The following ANKRD13C variants were observed in gnomAD, a reference collection of about 807,000 sequenced individuals.
ANKRD13C encodes the protein ankyrin repeat domain-containing protein 13C.
Under a neutral mutation model 65.5 loss-of-function variants are expected in ANKRD13C, and 16 were observed. The observed-to-expected ratio is 0.24, with a 90% CI of 0.17 to 0.37. ANKRD13C has a LOEUF of 0.37. Among genes scored for constraint, ANKRD13C ranks in the 10% least tolerant of loss-of-function variants. The pLI is 1.00. For synonymous variants in ANKRD13C, 235 were observed against 238.7 expected (o/e 0.98, Z 0.14); for missense variants, 503 against 655.9 (o/e 0.77, Z 2.55).
At position 70,306,306 on chromosome 1, in the gene ANKRD13C, C is replaced by A; in HGVS notation, c.710-16G>T. Reference sequence around the variant, plus strand: ...AGTAAAGGCACTGTATTTTTAAAAACAAAAGGTAAAAAATAACTACCTAAA... The same window carrying A: ...AGTAAAGGCACTGTATTTTTAAAAAAAAAAGGTAAAAAATAACTACCTAAA... On this transcript the variant is annotated splice_polypyrimidine_tract_variant and intron_variant, in intron 5 of 12. Transcript: ENST00000370944. 2 of 1,507,394 alleles carry A rather than the reference C, an allele frequency of 1.3e-6. No individual in the cohort carries two copies. Among genetic ancestry groups the A allele is most frequent in the Non-Finnish European group, 8.9e-7 (1 of 1,120,580 alleles). The allele number at this position is 1,507,394 out of a possible 1,614,324, so 93.4% of individuals were successfully genotyped here.
intron 9 of ANKRD13C, among the ~76,000 whole-genome samples, chr1:70,291,370 T>C (rs1283929991): frequency 1.3e-5 from 2 of 152,226 alleles, no homozygotes; most frequent in African/African-American, 4.8e-5. Context: ...TGTATGACTC[T>C]AGTATTTTTT....
At chr1:70,281,072 G>A (rs770670789) in intron 9 of ANKRD13C, among the ~76,000 whole-genome samples, 5 of 151,850 alleles carry the variant, frequency 3.3e-5, no homozygotes, top group Non-Finnish European at 5.9e-5. Context: ...AAAAGAGGAA[G>A]GAGGGAAGAA....
At chr1:70,330,177 T>A (rs1314392523) in intron 2 of ANKRD13C, among the ~76,000 whole-genome samples, 4 of 151,012 alleles carry the variant, frequency 2.6e-5, no homozygotes, top group African/African-American at 9.7e-5. Context: ...AGTTAACAAC[T>A]AAGCACTAAG....
At chr1:70,294,000 A>G (rs1337105512) in intron 8 of ANKRD13C, among the ~76,000 whole-genome samples, 1 of 152,250 alleles carries the variant, frequency 6.6e-6, no homozygotes, top group Non-Finnish European at 1.5e-5. Context: ...TTAAATGTCC[A>G]AAAACAAGAC....
chr1:70,337,033 A>G (rs771188895), intron 1 of ANKRD13C, among the ~76,000 whole-genome samples: 98 of 152,122 alleles, frequency 6.4e-4, no homozygotes, highest in Non-Finnish European at 8.5e-4. Flanking sequence ...TCACATTAAC[A>G]ATTACGACCA....
chr1:70,313,977 T>C (rs568907363), intron 4 of ANKRD13C, among the ~76,000 whole-genome samples, 187 bp from the exon 5 acceptor site: 1 of 152,020 alleles, frequency 6.6e-6, no homozygotes, highest in South Asian at 2.1e-4. Flanking sequence ...CTGATAAGCA[T>C]TTAAATTTGT....
intron 1 of ANKRD13C, among the ~76,000 whole-genome samples, chr1:70,349,348 A>G (rs1682653103): frequency 6.6e-6 from 1 of 152,112 alleles, no homozygotes; most frequent in Admixed American, 6.5e-5. Flanking sequence ...TTCCCCACCC[A>G]AAAAACAGCT....
chr1:70,275,649 AT>A (rs1679099368), intron 10 of ANKRD13C, among the ~76,000 whole-genome samples: 1 of 152,086 alleles, frequency 6.6e-6, no homozygotes, highest in South Asian at 2.1e-4. Flanking sequence ...TAATACCCTC[AT>A]AAATTTTGTT....
chr1:70,304,596 GC>G (rs1284788329), intron 6 of ANKRD13C, among the ~76,000 whole-genome samples: 1 of 151,836 alleles, frequency 6.6e-6, no homozygotes, highest in African/African-American at 2.4e-5. Context: ...ATGGGGTTTT[GC>G]CATGTTGCCC....
intron 6 of ANKRD13C, among the ~76,000 whole-genome samples, chr1:70,304,074 C>CTCTG (rs2101377805): frequency 6.6e-6 from 1 of 152,268 alleles, no homozygotes; most frequent in Admixed American, 6.5e-5. Flanking sequence ...CAGGGACTCA[C>CTCTG]TCTGTCACCC....
In ANKRD13C at chr1:70,306,306, C is replaced by G. The variant is rs962355351; in HGVS notation, c.710-16G>C. On this transcript the variant is annotated splice_polypyrimidine_tract_variant and intron_variant, in intron 5 of 12. Transcript: ENST00000370944. ...AGTAAAGGCACTGTATTTTTAAAAA[C>G]AAAAGGTAAAAAATAACTACCTAAA... The G allele has an allele frequency of 2.0e-6, 3 of 1,507,396 alleles. No homozygotes were observed. Among genetic ancestry groups the G allele is most frequent in the Non-Finnish European group, 2.7e-6 (3 of 1,120,580 alleles). 93.4% of individuals were successfully genotyped at this position (1,507,396 alleles called of 1,614,324 possible).
At chr1:70,350,623 G>GA (rs961482106) in intron 1 of ANKRD13C, among the ~76,000 whole-genome samples, 12 of 151,928 alleles carry the variant, frequency 7.9e-5, no homozygotes, top group Admixed American at 6.6e-5. Flanking sequence ...GAACAAATGA[G>GA]AAAAAAATAT....
At position 70,259,137 on chromosome 1, in the gene ANKRD13C, T is replaced by C. The variant is rs1247983837; in HGVS notation, c.*3580A>G. On this transcript the variant is annotated 3_prime_UTR_variant, in exon 13 of 13. Coordinates refer to ENST00000370944, the MANE Select transcript of ANKRD13C (RefSeq NM_030816.5). ...CATTCCACAGAACATGTACCCATCATTAAGTGACACACAACTGTATTTAGA... is the reference window on the plus strand; with the variant it reads ...CATTCCACAGAACATGTACCCATCACTAAGTGACACACAACTGTATTTAGA... 1.3e-5 allele frequency among the ~76,000 whole-genome samples: 2 copies of C among 152,218 alleles called. No individual in the cohort carries two copies. Among genetic ancestry groups the C allele is most frequent in the African/African-American group, 2.4e-5 (1 of 41,476 alleles).
At chr1:70,323,849 C>T (rs886650753) in intron 3 of ANKRD13C, among the ~76,000 whole-genome samples, 3 of 151,490 alleles carry the variant, frequency 2.0e-5, no homozygotes, top group Admixed American at 6.6e-5. Context: ...CTCAGCCTCC[C>T]GAGTAGCTGA....
At chr1:70,320,036 T>G (rs752484388) in intron 3 of ANKRD13C, among the ~76,000 whole-genome samples, 2 of 152,108 alleles carry the variant, frequency 1.3e-5, no homozygotes, top group Admixed American at 6.5e-5. Flanking sequence ...AAAACTTCCT[T>G]GTACTTGAGC....
chr1:70,350,861 G>A (rs1390885156), intron 1 of ANKRD13C, among the ~76,000 whole-genome samples: 1 of 152,122 alleles, frequency 6.6e-6, no homozygotes. Context: ...TAAAATGAGT[G>A]TAAAACTATC....
chr1:70,347,098 A>C (rs1682564975), intron 1 of ANKRD13C, among the ~76,000 whole-genome samples: 1 of 149,568 alleles, frequency 6.7e-6, no homozygotes, highest in South Asian at 2.1e-4. Context: ...TCTCAAAAAA[A>C]AAAAAAAAAA....
chr1:70,349,831 A>C (rs1682674129), intron 1 of ANKRD13C, among the ~76,000 whole-genome samples: 1 of 152,174 alleles, frequency 6.6e-6, no homozygotes, highest in African/African-American at 2.4e-5. Flanking sequence ...AAAAAAACAT[A>C]ATTAAAAAAT....
intron 2 of ANKRD13C, among the ~76,000 whole-genome samples, chr1:70,333,513 C>G (rs1384897607): frequency 6.6e-6 from 1 of 152,176 alleles, no homozygotes; most frequent in Admixed American, 6.6e-5. Context: ...CTAGCTAAAG[C>G]TAATTTCACA....
Sources: allele counts gnomAD v4.1 joint callset (sites outside exome capture counted in the v4.1 genomes callset), GRCh38; gene constraint gnomAD v4.1.1; transcripts MANE v1.5; gene names NCBI Gene and HGNC (gene_info 2026-07-23, HGNC 2026-07-21).